The following KCNT1 variants were observed in gnomAD, a reference collection of about 807,000 sequenced individuals.
KCNT1 encodes the protein potassium channel subfamily T member 1.
Under a neutral mutation model 147.8 loss-of-function variants are expected in KCNT1, and 78 were observed. That is an observed-to-expected ratio of 0.53 (90% CI 0.44 to 0.64). The LOEUF is 0.64. Ranked by LOEUF, KCNT1 falls within the 30% of genes least tolerant of loss-of-function variation. The pLI is 0.00. For synonymous variants in KCNT1, 867 were observed against 748.8 expected (o/e 1.16, Z -2.58); for missense variants, 1,419 against 1,750.3 (o/e 0.81, Z 3.38).
Position 135,750,314 on chromosome 9 carries a change from G to A in KCNT1, c.334+137G>A, listed in dbSNP as rs77279734. The A allele has an allele frequency of 0.04, 26,990 of 676,878 alleles. 1,937 individuals carry two copies. The highest frequency in any genetic ancestry group is 0.24 in the East Asian group (6,973 of 29,608). 41.9% of individuals were successfully genotyped at this position (676,878 alleles called of 1,614,324 possible). A position where few individuals can be genotyped will look rare whatever the true frequency, so the allele number is the denominator to read the frequency against. ...GTGGGAGCCACCTGAGTGCTGCGGG[G>A]GCATTTGGAAGCAGGGTGGGGGTGG... is the stretch of plus-strand genomic sequence containing the variant. On this transcript the variant is annotated intron_variant, in intron 3 of 30. Coordinates refer to ENST00000371757, the MANE Select transcript of KCNT1 (RefSeq NM_020822.3).
At chr9:135,762,013 G>A (rs540134663) in intron 11 of KCNT1, among the ~76,000 whole-genome samples, 19 of 152,330 alleles carry the variant, frequency 1.2e-4, no homozygotes, top group Non-Finnish European at 2.1e-4. Flanking sequence ...TGGCACCCAC[G>A]GGTAAGGGCC....
At position 135,793,046 on chromosome 9, in the gene KCNT1, A is replaced by T. The variant is rs1262612028; in HGVS notation, c.*885A>T. 6.6e-6 allele frequency: 1 copy of T among 152,222 alleles called. No individual in the cohort carries two copies. The highest frequency in any genetic ancestry group is 1.5e-5 in the Non-Finnish European group (1 of 68,050). 9.4% of individuals were successfully genotyped at this position (152,222 alleles called of 1,614,324 possible). ...GAGATCCCGGGCGGCGGCTGACATC[A>T]GGAGCGCCACCCTGCGTCCTTTGCT... On this transcript the variant is annotated 3_prime_UTR_variant, in exon 31 of 31. Coordinates refer to ENST00000371757, the MANE Select transcript of KCNT1 (RefSeq NM_020822.3).
chr9:135,761,087 C>T (rs543114525), intron 11 of KCNT1, among the ~76,000 whole-genome samples: 46 of 152,004 alleles, frequency 3.0e-4, no homozygotes, highest in African/African-American at 8.9e-4. Flanking sequence ...AGGCTGGCCT[C>T]GAACTCCTGG....
intron 20 of KCNT1, 76 bp downstream of exon 20, chr9:135,775,491 C>A: frequency 9.3e-7 from 1 of 1,081,008 alleles, no homozygotes; most frequent in Non-Finnish European, 1.3e-6. Context: ...CCTGGTTTCT[C>A]TTTGGTCACT....
chr9:135,702,843 A>C (rs995197122), intron 1 of KCNT1, among the ~76,000 whole-genome samples: 4 of 152,114 alleles, frequency 2.6e-5, no homozygotes, highest in African/African-American at 9.7e-5. Flanking sequence ...CAACCTTCCA[A>C]GGAAGAGTCC....
chr9:135,750,824 G>C (rs1168850077), intron 3 of KCNT1, 118 bp from the exon 4 acceptor site: 2 of 853,720 alleles, frequency 2.3e-6, no homozygotes, highest in Non-Finnish European at 3.9e-6. Flanking sequence ...TGCAGCCCGG[G>C]TGTGGGAGGG....
At position 135,770,306 on chromosome 9, in the gene KCNT1, A is replaced by G. The variant is rs200173000; in HGVS notation, c.1628A>G (p.Gln543Arg). Residue 543 changes from glutamine to arginine, a missense_variant, in exon 17 of 31, where the codon CAG becomes CGG. By Grantham distance (43) the Gln-to-Arg change is conservative. Around this residue, in one of 5 missense-constraint regions of KCNT1, gnomAD observed 401 missense variants for 610.6 expected, o/e 0.66. Transcript: ENST00000371757. Reference sequence around the variant, plus strand: ...CCCGCCCTGGCCCACAGGGAGGGACAGGAGTCTCCGGAGCAGTGGCAGCGC... The same window carrying G: ...CCCGCCCTGGCCCACAGGGAGGGACGGGAGTCTCCGGAGCAGTGGCAGCGC... ...LVHTSRGQEG[Q>R]ESPEQWQRMY... The G allele has an allele frequency of 2.8e-4, 454 of 1,600,932 alleles. No homozygotes were observed. Among genetic ancestry groups the G allele is most frequent in the Admixed American group, 1.5e-4 (9 of 58,888 alleles).
intron 2 of KCNT1, among the ~76,000 whole-genome samples, chr9:135,726,325 G>C (rs1033408088): frequency 6.6e-6 from 1 of 152,074 alleles, no homozygotes; most frequent in Admixed American, 6.5e-5. Context: ...CCTGGGTCTC[G>C]GATCCCTTCC....
At position 135,762,066 on chromosome 9, in the gene KCNT1, C is replaced by T. The variant is rs576428028; in HGVS notation, c.1035+2207C>T. On this transcript the variant is annotated intron_variant, in intron 11 of 30. Transcript: ENST00000371757. ...AGGCCTGTTCCATGTCCCTCTGCTG[C>T]GTCCACAGCCTCCGGGCCGGGGCTG... Among the ~76,000 whole-genome samples, 6 of 152,364 alleles carry T rather than the reference C, an allele frequency of 3.9e-5. No homozygotes were observed. The East Asian group carries it at 7.7e-4, about 20-fold the overall frequency.
intron 11 of KCNT1, among the ~76,000 whole-genome samples, chr9:135,761,522 TTTACC>T (rs1286529726): frequency 6.6e-6 from 1 of 152,206 alleles, no homozygotes; most frequent in African/African-American, 2.4e-5. Flanking sequence ...CCTCAAATTC[TTTACC>T]TTAATTACTT....
At chr9:135,728,333 G>A (rs1406842337) in intron 2 of KCNT1, among the ~76,000 whole-genome samples, 1 of 152,202 alleles carries the variant, frequency 6.6e-6, no homozygotes. Context: ...CCAGGAAATC[G>A]CATAATTGTT....
chr9:135,707,534 G>A (rs1446352374), intron 1 of KCNT1, among the ~76,000 whole-genome samples: 9 of 152,146 alleles, frequency 5.9e-5, no homozygotes, highest in Non-Finnish European at 1.3e-4. Context: ...GGAGAACAGG[G>A]TGTGGCCTGT....
intron 21 of KCNT1, 51 bp from the exon 22 acceptor site, chr9:135,778,373 A>C (rs1268960965): frequency 2.0e-6 from 3 of 1,500,626 alleles, no homozygotes; most frequent in Non-Finnish European, 2.7e-6. Flanking sequence ...GGGCCTGAGG[A>C]GGGCAGGCCT....
intron 17 of KCNT1, 125 bp from the exon 18 acceptor site, chr9:135,770,732 A>G (rs901227517): frequency 3.6e-5 from 36 of 986,782 alleles, no homozygotes; most frequent in Non-Finnish European, 5.3e-5. Context: ...CCTGACCCCA[A>G]ATGGCCCCCA....
chr9:135,759,389 G>C (rs917893413), intron 10 of KCNT1, among the ~76,000 whole-genome samples: 1 of 148,726 alleles, frequency 6.7e-6, no homozygotes, highest in East Asian at 2.0e-4. Flanking sequence ...AGAGCCACCC[G>C]GCAGGCAGGG....
At chr9:135,709,412 C>T (rs573872141) in intron 1 of KCNT1, among the ~76,000 whole-genome samples, 1 of 152,242 alleles carries the variant, frequency 6.6e-6, no homozygotes, top group South Asian at 2.1e-4. Context: ...ATGCCTGGGC[C>T]TCCTCGGCCA....
chr9:135,732,764 CTCT>C (rs1830159630), intron 2 of KCNT1, among the ~76,000 whole-genome samples: 1 of 151,552 alleles, frequency 6.6e-6, no homozygotes, highest in African/African-American at 2.4e-5. Context: ...CTCTCTCTCT[CTCT>C]CTCTCTCTCA....
rs573524284 is a variant in KCNT1 at position 135,770,059 on chromosome 9, AGTGCCCC to A, written c.1619+13_1619+19del. 2 of 1,548,154 alleles carry A rather than the reference AGTGCCCC, an allele frequency of 1.3e-6. No homozygotes were observed. Among genetic ancestry groups the A allele is most frequent in the Non-Finnish European group, 1.7e-6 (2 of 1,145,980 alleles). ...TGGTGCACACGTCCCGCGGCCAGTG[AGTGCCCC>A]GTGCCCCGGGGGACCGACCTCCATG... On this transcript the variant is annotated splice_donor_5th_base_variant and intron_variant, in intron 16 of 30. Coordinates refer to ENST00000371757, the MANE Select transcript of KCNT1 (RefSeq NM_020822.3).
intron 2 of KCNT1, among the ~76,000 whole-genome samples, chr9:135,715,577 C>A (rs1266190422): frequency 6.6e-6 from 1 of 152,218 alleles, no homozygotes; most frequent in Non-Finnish European, 1.5e-5. Context: ...CAGCCCTGGG[C>A]TCAGCTAGCA....
Sources: gnomAD v4.1 joint callset for allele counts (sites outside exome capture counted in the v4.1 genomes callset) on GRCh38, gnomAD v4.1.1 for gene constraint, gnomAD v4.1.1 regional missense constraint, MANE v1.5 for transcripts, NCBI Gene and HGNC (gene_info 2026-07-23, HGNC 2026-07-21) for gene names.